Variants in FNDC7 observed in about 807,000 individuals in gnomAD.
The protein encoded by FNDC7 is fibronectin type III domain containing 7.
A neutral mutation model predicts 74.2 loss-of-function variants in FNDC7; 66 were observed. The ratio of observed to expected loss-of-function variants is 0.89; its 90% CI spans 0.73 to 1.09. FNDC7 has a LOEUF of 1.09. Among genes scored for constraint, FNDC7 ranks in the 50% least tolerant of loss-of-function variants. The pLI, the probability that FNDC7 is intolerant of heterozygous loss-of-function variation, is 0.00. For missense variants in FNDC7, 829 were observed against 893.4 expected (o/e 0.93, Z 0.92); for synonymous variants, 307 against 330.2 (o/e 0.93, Z 0.76).
chr1:108,718,134 C>T, intron 3 of FNDC7, 103 bp downstream of exon 3: 1 of 1,416,192 alleles, frequency 7.1e-7, no homozygotes, highest in Non-Finnish European at 9.6e-7. Flanking sequence ...CACATGAGTG[C>T]CTACAATTCA....
At chr1:108,728,136 C>CATT in intron 7 of FNDC7, 71 bp downstream of exon 7, 1 of 1,536,690 alleles carries the variant, frequency 6.5e-7, no homozygotes. Context: ...TCAGGATGGG[C>CATT]ATTCAGTGAG....
Position 108,722,437 on chromosome 1 carries a change from T to C in FNDC7, c.701T>C (p.Met234Thr), listed in dbSNP as rs1395872194. 14 of 1,614,138 alleles carry C rather than the reference T, an allele frequency of 8.7e-6. No individual in the cohort carries two copies. The highest frequency in any genetic ancestry group is 1.1e-5 in the Non-Finnish European group (13 of 1,180,044). The stretch of plus-strand genomic sequence containing the variant: ...GAAGGAGCTTTCAATTATACTGTGA[T>C]GGCTTTGAGCGACTCTTCAGAGCTG... ...RAEGAFNYTV[M>T]ALSDSSELTC... is the part of the protein sequence containing the mutation. The change falls in exon 5 of 13, where the codon ATG becomes ACG. Residue 234 changes from methionine (M) to threonine (T), a missense_variant. By Grantham distance (81) the Met-to-Thr change is moderately conservative (BLOSUM62 -1). Coordinates refer to ENST00000370017, the MANE Select transcript of FNDC7 (RefSeq NM_001144937.3).
chr1:108,731,639 G>A (rs1661358638), intron 9 of FNDC7, among the ~76,000 whole-genome samples: 1 of 152,252 alleles, frequency 6.6e-6, no homozygotes, highest in Non-Finnish European at 1.5e-5. Flanking sequence ...GTAGTAGAAA[G>A]AGTCTTAACT....
Position 108,718,842 on chromosome 1 carries a change from G to A in FNDC7, c.391G>A (p.Val131Met), listed in dbSNP as rs1023728993. ...VSSPSSDSIL[V>M]QWEAVYMAIA... ...CTCTCCAAGTTCAGACTCCATTCTT[G>A]TGCAGTGGGAAGCTGTATATATGGC... is the stretch of plus-strand genomic sequence containing the variant. Residue 131 changes from valine (V) to methionine (M), a missense_variant, in exon 4 of 13, where the codon GTG (valine) becomes ATG (methionine). Val to Met is a conservative substitution (Grantham distance 21, BLOSUM62 1). Transcript: ENST00000370017. 2.6e-6 allele frequency: 4 copies of A among 1,551,838 alleles called. No individual in the cohort carries two copies. The highest frequency in any genetic ancestry group is 3.5e-6 in the Non-Finnish European group (4 of 1,147,040).
At chr1:108,739,180 T>C (rs144749466) in intron 11 of FNDC7, among the ~76,000 whole-genome samples, 1 of 152,278 alleles carries the variant, frequency 6.6e-6, no homozygotes, top group Admixed American at 6.5e-5. Flanking sequence ...AGAATGTCTA[T>C]GTTTTAACAA....
chr1:108,724,549 T>G (rs190678198), intron 5 of FNDC7, among the ~76,000 whole-genome samples: 1 of 150,648 alleles, frequency 6.6e-6, no homozygotes, highest in East Asian at 2.0e-4. Context: ...AGTCCAGGAG[T>G]TCAAGACTAG....
intron 2 of FNDC7, among the ~76,000 whole-genome samples, chr1:108,716,667 G>A (rs1370116874): frequency 1.3e-5 from 2 of 152,204 alleles, no homozygotes; most frequent in Admixed American, 1.3e-4. Flanking sequence ...TACAGAAAGA[G>A]AAAGTTGTCT....
rs1468146913 is a variant in FNDC7, at chr1:108,713,497, A to G, written c.64-14A>G. The stretch of plus-strand genomic sequence containing the variant: ...TTTCTGTGTGGTTCTAATTTTCCAA[A>G]CTTTCCTTTTCAGGTTGCTTCAGCA... On this transcript the variant is annotated splice_polypyrimidine_tract_variant and intron_variant, in intron 1 of 12. Coordinates refer to ENST00000370017, the MANE Select transcript of FNDC7 (RefSeq NM_001144937.3). The G allele has an allele frequency of 4.5e-6, 7 of 1,549,720 alleles. No homozygotes were observed. In the South Asian group the frequency reaches 8.4e-5, roughly 19 times the overall value.
intron 4 of FNDC7, among the ~76,000 whole-genome samples, chr1:108,721,817 AATT>A (rs1256343241): frequency 6.6e-6 from 1 of 152,224 alleles, no homozygotes; most frequent in African/African-American, 2.4e-5. Context: ...CTCTAGAAAC[AATT>A]ATGACCGAAA....
chr1:108,724,801 C>T (rs1443891972), intron 5 of FNDC7, among the ~76,000 whole-genome samples: 3 of 151,318 alleles, frequency 2.0e-5, no homozygotes, highest in South Asian at 4.2e-4. Context: ...TAAATTTAGG[C>T]TGGGCGCATT....
chr1:108,716,462 G>A (rs1271260739), intron 2 of FNDC7, among the ~76,000 whole-genome samples: 1 of 151,516 alleles, frequency 6.6e-6, no homozygotes, highest in African/African-American at 2.4e-5. Context: ...GCTTCCACTG[G>A]CAAGTGGCTA....
chr1:108,733,057 A>T (rs1429136004), intron 9 of FNDC7, among the ~76,000 whole-genome samples: 3 of 151,962 alleles, frequency 2.0e-5, no homozygotes, highest in Admixed American at 1.3e-4. Context: ...TATAGGCATA[A>T]GCCATCATGC....
chr1:108,733,350 G>T lies in FNDC7; in HGVS notation c.1958G>T (p.Gly653Val), dbSNP rs1348624941. Residue 653 changes from glycine to valine, a missense_variant, in exon 10 of 13, where the codon GGC (glycine) becomes GTC (valine). Transcript: ENST00000370017. The part of the protein sequence containing the change: ...GIRIYWQASR[G>V]SANYSTDLYG... Reference sequence around the variant, plus strand: ...CGGATCTACTGGCAAGCCTCCAGGGGCTCTGCCAATTACAGCACTGACCTC... The same window carrying T: ...CGGATCTACTGGCAAGCCTCCAGGGTCTCTGCCAATTACAGCACTGACCTC... 7 of 1,614,020 alleles carry T rather than the reference G, an allele frequency of 4.3e-6. No homozygotes were observed. In the East Asian group the frequency reaches 8.9e-5, roughly 21 times the overall value.
chr1:108,726,658 CT>C (rs1177504112), intron 6 of FNDC7, among the ~76,000 whole-genome samples: 1 of 151,754 alleles, frequency 6.6e-6, no homozygotes, highest in Admixed American at 6.6e-5. Context: ...GGAATTATGT[CT>C]TATTTATCTC....
intron 7 of FNDC7, among the ~76,000 whole-genome samples, 172 bp from the exon 8 acceptor site, chr1:108,728,460 C>A (rs1661268525): frequency 6.6e-6 from 1 of 152,154 alleles, no homozygotes; most frequent in African/African-American, 2.4e-5. Flanking sequence ...ACCCAATGCC[C>A]TGTGTTAATG....
At chr1:108,716,046 C>T in intron 2 of FNDC7, among the ~76,000 whole-genome samples, 1 of 152,158 alleles carries the variant, frequency 6.6e-6, no homozygotes, top group East Asian at 1.9e-4. Flanking sequence ...CCGCGGGCCC[C>T]ATGACAGGCC....
intron 8 of FNDC7, among the ~76,000 whole-genome samples, chr1:108,730,153 C>G (rs773085130): frequency 2.6e-5 from 4 of 151,916 alleles, no homozygotes; most frequent in Non-Finnish European, 4.4e-5. Flanking sequence ...CTGAGGCAGG[C>G]AGATCATGAG....
At position 108,718,770 on chromosome 1, in the gene FNDC7, T is replaced by C. The variant is rs373403924; in HGVS notation, c.338-19T>C. On this transcript the variant is annotated intron_variant, in intron 3 of 12. Coordinates refer to ENST00000370017, the MANE Select transcript of FNDC7 (RefSeq NM_001144937.3). ...ATTGGACTTTGGTAACACAAATGCA[T>C]GTGTTTTTATTTTTTTAGTGTTGGC... 326 of 1,548,608 alleles carry C rather than the reference T, an allele frequency of 2.1e-4. No individual in the cohort carries two copies. The highest frequency in any genetic ancestry group is 2.7e-4 in the Non-Finnish European group (312 of 1,144,646).
Position 108,722,469 on chromosome 1 carries a change from A to G in FNDC7, c.733A>G (p.Ser245Gly), listed in dbSNP as rs55700490. 1.2e-5 allele frequency: 19 copies of G among 1,614,250 alleles called. No individual in the cohort carries two copies. The highest frequency in any genetic ancestry group is 1.5e-5 in the Non-Finnish European group (18 of 1,180,044). ...GAGCGACTCTTCAGAGCTGACCTGCAGTACAACTTTCAGTTCCTGCACCAT... is the reference window on the plus strand; with the variant it reads ...GAGCGACTCTTCAGAGCTGACCTGCGGTACAACTTTCAGTTCCTGCACCAT... Reference protein sequence around the residue: ...ALSDSSELTCSTTFSSCTISS... With the variant: ...ALSDSSELTCGTTFSSCTISS... Residue 245 changes from serine to glycine, a missense_variant, in exon 5 of 13, where the codon AGT (serine) becomes GGT (glycine). By Grantham distance (56) the Ser-to-Gly change is moderately conservative. Transcript: ENST00000370017.
Sources: allele counts gnomAD v4.1 joint callset (sites outside exome capture counted in the v4.1 genomes callset), GRCh38; gene constraint gnomAD v4.1.1; transcripts MANE v1.5; gene names NCBI Gene and HGNC (gene_info 2026-07-23, HGNC 2026-07-21).